Variants in LAMC2 observed in about 807,000 individuals in gnomAD.
LAMC2 encodes the protein laminin subunit gamma-2.
LAMC2 carries 97 observed loss-of-function variants against 140.2 expected under a neutral mutation model. The ratio of observed to expected loss-of-function variants is 0.69; its 90% CI spans 0.59 to 0.82. LAMC2 has a LOEUF of 0.82. LAMC2 is among the 40% of genes least tolerant of loss of function. The pLI, the probability that LAMC2 is intolerant of heterozygous loss-of-function variation, is 0.00. For synonymous variants in LAMC2, 513 were observed against 540.2 expected, an observed-to-expected ratio of 0.95 and a Z score of 0.70; for missense variants, 1,402 against 1,476.1, an observed-to-expected ratio of 0.95 and a Z score of 0.82.
At chr1:183,206,632 A>G (rs1306047619) in intron 1 of LAMC2, among the ~76,000 whole-genome samples, 3 of 148,556 alleles carry the variant, frequency 2.0e-5, no homozygotes, top group African/African-American at 7.5e-5. Context: ...AGCCTGGGCG[A>G]CAGAGCAAGA....
rs376997315 is a variant in LAMC2, at chr1:183,243,432, T to C, written c.*32T>C. ...CATAAATATTTCTCAACTGAGGTTCTTGGGATACAGATCTCAGGGCTCGGG... is the reference window on the plus strand; with the variant it reads ...CATAAATATTTCTCAACTGAGGTTCCTGGGATACAGATCTCAGGGCTCGGG... On this transcript the variant is annotated 3_prime_UTR_variant, in exon 23 of 23. Coordinates refer to ENST00000264144, the MANE Select transcript of LAMC2 (RefSeq NM_005562.3). 5.0e-6 allele frequency: 8 copies of C among 1,613,976 alleles called. No individual in the cohort carries two copies. Among genetic ancestry groups the C allele is most frequent in the Non-Finnish European group, 5.1e-6 (6 of 1,179,962 alleles).
At chr1:183,187,362 T>C (rs1215675697) in intron 1 of LAMC2, among the ~76,000 whole-genome samples, 1 of 152,204 alleles carries the variant, frequency 6.6e-6, no homozygotes, top group African/African-American at 2.4e-5. Flanking sequence ...CTGGCCTGAA[T>C]TGGATTTGAG....
At chr1:183,207,295 A>G (rs525410) in intron 1 of LAMC2, among the ~76,000 whole-genome samples, 71,395 of 151,918 alleles carry the variant, frequency 0.47, 17,493 homozygotes, top group East Asian at 0.63. Context: ...GAACATCTGC[A>G]GGATGGGCTT....
At chr1:183,204,453 C>G (rs1658818994) in intron 1 of LAMC2, among the ~76,000 whole-genome samples, 1 of 117,072 alleles carries the variant, frequency 8.5e-6, no homozygotes, top group Non-Finnish European at 1.6e-5. Flanking sequence ...AACAAACAAA[C>G]AGAAAAAAAA....
chr1:183,228,762 C>A lies in LAMC2; in HGVS notation c.1714+143C>A. On this transcript the variant is annotated intron_variant, in intron 11 of 22. Transcript: ENST00000264144. The surrounding 1 kb of genome is among the most constrained non-coding windows in gnomAD (Gnocchi z 4.3). The stretch of plus-strand genomic sequence containing the variant: ...CAAACTGGCCTGTGAGCACCCTGGG[C>A]CTTTCTTCCTCTGTCAAAGGCCTTA... 2 of 1,112,692 alleles carry A rather than the reference C, an allele frequency of 1.8e-6. No individual in the cohort carries two copies. Among genetic ancestry groups the A allele is most frequent in the Non-Finnish European group, 1.3e-6 (1 of 748,372 alleles). 68.9% of individuals were successfully genotyped at this position (1,112,692 alleles called of 1,614,324 possible).
chr1:183,257,867 A>G, the LAMC2 span, among the ~76,000 whole-genome samples: 1 of 150,392 alleles, frequency 6.6e-6, no homozygotes, highest in African/African-American at 2.5e-5. Flanking sequence ...TTTTGCTCTA[A>G]TCTTTATTAT....
chr1:183,195,335 G>C (rs866671069), intron 1 of LAMC2, among the ~76,000 whole-genome samples: 19 of 152,128 alleles, frequency 1.2e-4, no homozygotes, highest in African/African-American at 4.6e-4. Context: ...CGGTGAAACA[G>C]GTGTCTCCTC....
rs892745781 is a variant in LAMC2 at position 183,222,369 on chromosome 1, C to A, written c.763+158C>A. 5.9e-5 allele frequency among the ~76,000 whole-genome samples: 9 copies of A among 152,162 alleles called. No homozygotes were observed. In the East Asian group the frequency reaches 1.7e-3, roughly 29 times the overall value. On this transcript the variant is annotated intron_variant, in intron 6 of 22. Coordinates refer to ENST00000264144, the MANE Select transcript of LAMC2 (RefSeq NM_005562.3). ...CCCCAGAAGAGAGATGGGGGCTAAGCCTGATTTGAGAGTCACTAAGGAATG... is the reference window on the plus strand; with the variant it reads ...CCCCAGAAGAGAGATGGGGGCTAAGACTGATTTGAGAGTCACTAAGGAATG...
chr1:183,226,993 C>A, intron 9 of LAMC2, 77 bp downstream of exon 9: 1 of 1,141,500 alleles, frequency 8.8e-7, no homozygotes, highest in Non-Finnish European at 1.3e-6. Flanking sequence ...AAGACCATGG[C>A]TGAACTCACA....
At chr1:183,186,551 G>A (rs1020071635) in intron 1 of LAMC2, 120 bp downstream of exon 1, 2 of 1,130,360 alleles carry the variant, frequency 1.8e-6, no homozygotes, top group Admixed American at 2.1e-5. Context: ...ACTTGTTAGA[G>A]CTCCCTTCTC....
At chr1:183,207,819 G>T in intron 1 of LAMC2, 62 bp from the exon 2 acceptor site, 1 of 1,334,232 alleles carries the variant, frequency 7.5e-7, no homozygotes, top group South Asian at 1.2e-5. Flanking sequence ...ACACCTGCTA[G>T]AACAGTTCCT....
At position 183,186,449 on chromosome 1, in the gene LAMC2, A is replaced by G; in HGVS notation, c.79+18A>G. The G allele has an allele frequency of 6.2e-7, 1 of 1,601,422 alleles. No homozygotes were observed. The highest frequency in any genetic ancestry group is 8.5e-7 in the Non-Finnish European group (1 of 1,179,544). On this transcript the variant is annotated intron_variant, in intron 1 of 22. Transcript: ENST00000264144. ...GAGGGAAGGTGAGTCGGCTTCCACA[A>G]GGAAACATCTCAGCCCTGGGCTGAG...
At chr1:183,204,470 A>G (rs78934311) in intron 1 of LAMC2, among the ~76,000 whole-genome samples, 9 of 144,212 alleles carry the variant, frequency 6.2e-5, no homozygotes, top group Non-Finnish European at 1.2e-4. Flanking sequence ...AAAAAAAAAA[A>G]CCACTACAAA....
At chr1:183,242,457 G>C (rs1371474813) in intron 22 of LAMC2, among the ~76,000 whole-genome samples, 1 of 152,182 alleles carries the variant, frequency 6.6e-6, no homozygotes, top group Non-Finnish European at 1.5e-5. Flanking sequence ...AAACCTATTT[G>C]AACTAAATGG....
chr1:183,215,826 G>A (rs544779886), intron 3 of LAMC2, among the ~76,000 whole-genome samples: 24 of 152,198 alleles, frequency 1.6e-4, no homozygotes, highest in African/African-American at 5.1e-4. Context: ...TGATGTTACC[G>A]GTGAGGCTGG....
At position 183,235,711 on chromosome 1, in the gene LAMC2, G is replaced by A. The variant is rs917397689; in HGVS notation, c.2437G>A (p.Val813Met). 1.2e-6 allele frequency: 2 copies of A among 1,614,084 alleles called. No homozygotes were observed. The highest frequency in any genetic ancestry group is 8.5e-7 in the Non-Finnish European group (1 of 1,180,038). ...SGSGSPDGAV[V>M]QGLVEKLEKT... ...AAGCGGTAGCCCGGACGGTGCTGTG[G>A]TGCAAGGGCTTGTGGAAAAGTACGT... The change falls in exon 16 of 23, where the codon GTG (valine) becomes ATG (methionine). Residue 813 changes from valine (V) to methionine (M), a missense_variant. Coordinates refer to ENST00000264144, the MANE Select transcript of LAMC2 (RefSeq NM_005562.3).
rs1659164034 is a variant in LAMC2, at chr1:183,214,048, A to G, written c.269-1405A>G. 2.1e-5 allele frequency among the ~76,000 whole-genome samples: 3 copies of G among 141,860 alleles called. No homozygotes were observed. The Admixed American group carries it at 2.1e-4, about 10-fold the overall frequency. 93.1% of individuals were successfully genotyped at this position (141,860 alleles called of 152,430 possible). ...GCAAAACTTCGTCTCAAAAAAAAAA[A>G]AAAATACAGATTATTTTACAATTCC... On this transcript the variant is annotated intron_variant, in intron 2 of 22. Coordinates refer to ENST00000264144, the MANE Select transcript of LAMC2 (RefSeq NM_005562.3).
intron 6 of LAMC2, 30 bp downstream of exon 6, chr1:183,222,241 G>A (rs1571525131): frequency 6.2e-7 from 1 of 1,607,034 alleles, no homozygotes; most frequent in East Asian, 2.2e-5. Flanking sequence ...TCCTATAGAG[G>A]CCAGCTTATA....
At chr1:183,223,059 C>A in intron 6 of LAMC2, 76 bp from the exon 7 acceptor site, 1 of 1,389,772 alleles carries the variant, frequency 7.2e-7, no homozygotes, top group Non-Finnish European at 1.0e-6. Flanking sequence ...AAATTGCCGA[C>A]ACCAGTGCAA....
Sources: allele counts gnomAD v4.1 joint callset (sites outside exome capture counted in the v4.1 genomes callset), GRCh38; gene constraint gnomAD v4.1.1; non-coding constraint Gnocchi (gnomAD v3.1); transcripts MANE v1.5; gene names NCBI Gene and HGNC (gene_info 2026-07-23, HGNC 2026-07-21).